Variants in EYS observed in about 807,000 individuals in gnomAD.
The protein encoded by EYS is protein eyes shut homolog.
Under a neutral mutation model 282.1 loss-of-function variants are expected in EYS, and 250 were observed. The ratio of observed to expected loss-of-function variants is 0.89; its 90% CI spans 0.80 to 0.98. EYS has a LOEUF of 0.98. EYS is among the 50% of genes least tolerant of loss of function. The pLI is 0.00. For synonymous variants in EYS, 1,355 were observed against 1,282.9 expected, an observed-to-expected ratio of 1.06 and a Z score of -1.20; for missense variants, 4,016 against 3,709.0, an observed-to-expected ratio of 1.08 and a Z score of -2.15.
intron 2 of EYS, among the ~76,000 whole-genome samples, chr6:65,545,968 G>A (rs72878479): frequency 6.6e-6 from 1 of 151,622 alleles, no homozygotes; most frequent in Non-Finnish European, 1.5e-5. Flanking sequence ...AAGCATCTTG[G>A]CAAACCTTTT....
chr6:65,356,026 A>T (rs748510482), intron 8 of EYS, among the ~76,000 whole-genome samples: 2 of 152,090 alleles, frequency 1.3e-5, no homozygotes, highest in Non-Finnish European at 2.9e-5. Context: ...ATACCAGCAC[A>T]AGTATGCTTA....
intron 35 of EYS, among the ~76,000 whole-genome samples, chr6:63,917,515 A>G (rs1764456180): frequency 6.6e-6 from 1 of 152,228 alleles, no homozygotes; most frequent in South Asian, 2.1e-4. Flanking sequence ...TTTGTACTTG[A>G]CCAACCCCAG....
At chr6:65,402,410 T>C in intron 7 of EYS, 68 bp downstream of exon 7, 1 of 1,105,696 alleles carries the variant, frequency 9.0e-7, no homozygotes, top group Non-Finnish European at 1.4e-6. Flanking sequence ...AACATCATTA[T>C]ATTTTTGTTC....
chr6:64,186,660 G>A (rs1305612824), intron 31 of EYS, among the ~76,000 whole-genome samples: 1 of 152,094 alleles, frequency 6.6e-6, no homozygotes, highest in East Asian at 1.9e-4. Context: ...CTCCTGGAGT[G>A]AAAGCAACTA....
In EYS at chr6:64,074,036, T is replaced by G. The variant is rs146562367; in HGVS notation, c.6572-7545A>C. Among the ~76,000 whole-genome samples, 43 of 151,936 alleles carry G rather than the reference T, an allele frequency of 2.8e-4. No homozygotes were observed. The East Asian group carries it at 8.3e-3, about 29-fold the overall frequency. ...CAGAAGTAATGCGGTAATAGTTCTT[T>G]AGGCTTTTAGGCTTTGTAGTAAGTT... is the stretch of plus-strand genomic sequence containing the variant. On this transcript the variant is annotated intron_variant, in intron 32 of 42. Coordinates refer to ENST00000503581, the MANE Select transcript of EYS (RefSeq NM_001142800.2).
intron 26 of EYS, among the ~76,000 whole-genome samples, chr6:64,534,287 C>CT (rs200478924): frequency 6.6e-6 from 1 of 150,762 alleles, no homozygotes; most frequent in South Asian, 2.1e-4. Context: ...AGCTACTAAA[C>CT]TTTTTTTTTA....
intron 42 of EYS, among the ~76,000 whole-genome samples, chr6:63,725,453 A>C (rs1336104018): frequency 1.3e-5 from 2 of 152,198 alleles, no homozygotes; most frequent in East Asian, 3.9e-4. Flanking sequence ...TTTGAGTTTT[A>C]TTAGCAATAT....
intron 12 of EYS, among the ~76,000 whole-genome samples, chr6:65,190,161 C>A (rs1041999538): frequency 2.6e-5 from 4 of 151,030 alleles, no homozygotes; most frequent in Admixed American, 2.0e-4. Context: ...AGCATTATAA[C>A]TTTCGTGGGC....
chr6:64,993,612 A>C (rs1309680064), intron 14 of EYS, among the ~76,000 whole-genome samples: 1 of 149,164 alleles, frequency 6.7e-6, no homozygotes, highest in Non-Finnish European at 1.5e-5. Flanking sequence ...GCATTAGGAG[A>C]TATACCTAAT....
At chr6:65,254,265 T>A (rs6899612) in intron 12 of EYS, among the ~76,000 whole-genome samples, 35,996 of 151,672 alleles carry the variant, frequency 0.24, 4,439 homozygotes, top group Middle Eastern at 0.28. Flanking sequence ...CTGGCTTGTG[T>A]ATTGATTTAA....
intron 36 of EYS, among the ~76,000 whole-genome samples, chr6:63,863,716 C>T (rs1483409087): frequency 2.2e-5 from 3 of 135,354 alleles, no homozygotes; most frequent in Non-Finnish European, 4.6e-5. Context: ...CTCTCTGCTG[C>T]CCAGGCTGGA....
At chr6:64,912,857 G>T in intron 15 of EYS, 114 bp from the exon 16 acceptor site, 1 of 539,340 alleles carries the variant, frequency 1.9e-6, no homozygotes. Context: ...ATTTATAACA[G>T]GACTAATAAA....
At chr6:64,391,554 A>C (rs1032531843) in intron 28 of EYS, among the ~76,000 whole-genome samples, 3 of 152,022 alleles carry the variant, frequency 2.0e-5, no homozygotes, top group Non-Finnish European at 4.4e-5. Context: ...GAAATAAAAT[A>C]CTTTACAGTC....
intron 26 of EYS, among the ~76,000 whole-genome samples, chr6:64,482,226 G>C (rs964302812): frequency 6.6e-6 from 1 of 151,762 alleles, no homozygotes; most frequent in Non-Finnish European, 1.5e-5. Flanking sequence ...AACTTAGCCT[G>C]TCCATTCCTG....
At chr6:64,095,577 C>T (rs1305525283) in intron 31 of EYS, among the ~76,000 whole-genome samples, 7 of 152,014 alleles carry the variant, frequency 4.6e-5, no homozygotes, top group Non-Finnish European at 8.8e-5. Context: ...GGATTGCAAC[C>T]CCTGCCGTTT....
intron 29 of EYS, among the ~76,000 whole-genome samples, chr6:64,364,195 T>A (rs1772117211): frequency 6.6e-6 from 1 of 151,928 alleles, no homozygotes; most frequent in African/African-American, 2.4e-5. Context: ...AAATTCTCCA[T>A]AAAGACCAAG....
intron 15 of EYS, among the ~76,000 whole-genome samples, chr6:64,925,977 T>A (rs780083953): frequency 6.6e-6 from 1 of 152,120 alleles, no homozygotes; most frequent in African/African-American, 2.4e-5. Flanking sequence ...GGATGGGGAA[T>A]GAGAGATGGC....
chr6:64,339,928 G>T (rs904597548), intron 29 of EYS, among the ~76,000 whole-genome samples: 1 of 151,542 alleles, frequency 6.6e-6, no homozygotes, highest in Non-Finnish European at 1.5e-5. Context: ...AGGAATACAC[G>T]ACTACAAGTT....
intron 12 of EYS, among the ~76,000 whole-genome samples, chr6:65,211,749 G>A (rs1232257504): frequency 6.6e-6 from 1 of 151,882 alleles, no homozygotes; most frequent in African/African-American, 2.4e-5. Context: ...AGAAAAAAAA[G>A]CCCCTATAGC....
Sources: allele counts gnomAD v4.1 joint callset (sites outside exome capture counted in the v4.1 genomes callset), GRCh38; gene constraint gnomAD v4.1.1; transcripts MANE v1.5; gene names NCBI Gene and HGNC (gene_info 2026-07-23, HGNC 2026-07-21).